TOP1: variants seen among roughly 807,000 people sequenced by gnomAD.
The protein encoded by TOP1 is DNA topoisomerase 1.
A neutral mutation model predicts 111.1 loss-of-function variants in TOP1; 10 were observed. The observed-to-expected ratio is 0.09, with a 90% CI of 0.06 to 0.15. The LOEUF (loss-of-function observed/expected upper bound fraction) is 0.15. Among genes scored for constraint, TOP1 ranks in the 10% least tolerant of loss-of-function variants. The pLI is 1.00. For synonymous variants in TOP1, 271 were observed against 302.9 expected, an observed-to-expected ratio of 0.89 and a Z score of 1.10; for missense variants, 474 against 926.7, an observed-to-expected ratio of 0.51 and a Z score of 6.34.
rs2033993775 is a variant in TOP1, at chr20:41,097,209, T to C, written c.731-11T>C. 6.2e-7 allele frequency: 1 copy of C among 1,610,768 alleles called. No homozygotes were observed. Among genetic ancestry groups the C allele is most frequent in the African/African-American group, 1.3e-5 (1 of 74,722 alleles). On this transcript the variant is annotated splice_polypyrimidine_tract_variant and intron_variant, in intron 9 of 20. Coordinates refer to ENST00000361337, the MANE Select transcript of TOP1 (RefSeq NM_003286.4). The surrounding 1 kb of genome is among the most constrained non-coding windows in gnomAD (Gnocchi z 4.2). ...CTATACCTCACTTTTTGGAACCACT[T>C]TTTTCTCTAGGTAAAGTCATGAAGC...
At chr20:41,077,667 T>C in intron 5 of TOP1, 30 bp downstream of exon 5, 1 of 1,604,044 alleles carries the variant, frequency 6.2e-7, no homozygotes, top group Non-Finnish European at 8.5e-7. Flanking sequence ...TGGGCTTCCC[T>C]TTCTCTGGGT....
intron 2 of TOP1, among the ~76,000 whole-genome samples, chr20:41,044,105 C>T (rs1471653082): frequency 3.3e-5 from 5 of 151,980 alleles, no homozygotes; most frequent in Non-Finnish European, 5.9e-5. Flanking sequence ...GGAGAAACCC[C>T]ATCTCTACTA....
chr20:41,032,315 T>C lies in TOP1; in HGVS notation c.58+2860T>C, dbSNP rs2033130799. Among the ~76,000 whole-genome samples, 1 of 152,062 alleles carries C rather than the reference T, an allele frequency of 6.6e-6. No individual in the cohort carries two copies. Among genetic ancestry groups the C allele is most frequent in the Non-Finnish European group, 1.5e-5 (1 of 68,026 alleles). ...AGCTCTTTGCATGTAATTTAGAACA[T>C]TCTGACCCATACTCAACTGCTGGGA... is the stretch of plus-strand genomic sequence containing the variant. On this transcript the variant is annotated intron_variant, in intron 2 of 20. Coordinates refer to ENST00000361337, the MANE Select transcript of TOP1 (RefSeq NM_003286.4). The surrounding 1 kb of genome is among the most constrained non-coding windows in gnomAD (Gnocchi z 4.3).
Position 41,029,140 on chromosome 20 carries a change from C to A in TOP1, c.33+40C>A, listed in dbSNP as rs1052925912. ...GACCCTGGCGGCCCCGGACCCCGGC[C>A]TGGCCGTCCCGCGACCCCCGGCGCA... is the stretch of plus-strand genomic sequence containing the variant. On this transcript the variant is annotated intron_variant, in intron 1 of 20. Coordinates refer to ENST00000361337, the MANE Select transcript of TOP1 (RefSeq NM_003286.4). This position sits in a 1 kb window ranked among gnomAD's most constrained non-coding sequence, Gnocchi z 6.1. 2 of 1,426,968 alleles carry A rather than the reference C, an allele frequency of 1.4e-6. No individual in the cohort carries two copies. Among genetic ancestry groups the A allele is most frequent in the Non-Finnish European group, 1.8e-6 (2 of 1,087,794 alleles). The allele number at this position is 1,426,968 out of a possible 1,614,324, so 88.4% of individuals were successfully genotyped here.
chr20:41,096,624 A>G (rs2033986667), intron 9 of TOP1, among the ~76,000 whole-genome samples: 1 of 152,144 alleles, frequency 6.6e-6, no homozygotes, highest in South Asian at 2.1e-4. Flanking sequence ...TGGTCTGTGA[A>G]CCACTTGTTG....
At position 41,071,676 on chromosome 20, in the gene TOP1, A is replaced by G. The variant is rs559624544; in HGVS notation, c.156-4495A>G. Among the ~76,000 whole-genome samples the G allele has an allele frequency of 1.3e-5, 2 of 152,314 alleles. No individual in the cohort carries two copies. The highest frequency in any genetic ancestry group is 4.8e-5 in the African/African-American group (2 of 41,578). On this transcript the variant is annotated intron_variant, in intron 3 of 20. Transcript: ENST00000361337. This position sits in a 1 kb window ranked among gnomAD's most constrained non-coding sequence, Gnocchi z 4.3. ...TTTTTTCTTTAGTGGAATTCAGCCA[A>G]TTGAAGCATAACACATGGCATGAAC...
rs2033547453 is a variant in TOP1 at position 41,061,723 on chromosome 20, C to T, written c.155+233C>T. Among the ~76,000 whole-genome samples the T allele has an allele frequency of 6.6e-6, 1 of 152,128 alleles. No homozygotes were observed. Among genetic ancestry groups the T allele is most frequent in the Non-Finnish European group, 1.5e-5 (1 of 68,030 alleles). On this transcript the variant is annotated intron_variant, in intron 3 of 20. Transcript: ENST00000361337. This position sits in a 1 kb window ranked among gnomAD's most constrained non-coding sequence, Gnocchi z 4.6. ...ATGTTTAATTTTCTTTTAATATATA[C>T]CTCATTAAAAATACAGTTGTTCACT...
Position 41,097,238 on chromosome 20 carries a change from G to A in TOP1, c.749G>A (p.Ser250Asn), listed in dbSNP as rs961016028. The A allele has an allele frequency of 5.0e-6, 8 of 1,613,822 alleles. No homozygotes were observed. The highest frequency in any genetic ancestry group is 2.7e-5 in the African/African-American group (2 of 74,874). ...TCTCTAGGTAAAGTCATGAAGCTGA[G>A]CCCCAAAGCAGAGGAAGTAGCTACG... ...FYYDGKVMKL[S>N]PKAEEVATFF... is the part of the protein sequence containing the mutation. The change falls in exon 10 of 21, where the codon AGC becomes AAC. Residue 250 changes from serine (S) to asparagine (N), a missense_variant. Transcript: ENST00000361337. The surrounding 1 kb of genome is among the most constrained non-coding windows in gnomAD (Gnocchi z 4.2).
rs1277215336 is a variant in TOP1, at chr20:41,061,053, A to T, written c.59-341A>T. ...AGAAGTTATAACATCTGATCTTTAG[A>T]GTCAGTGTTCAATACTATCCCTTTG... On this transcript the variant is annotated intron_variant, in intron 2 of 20. Transcript: ENST00000361337. This position sits in a 1 kb window ranked among gnomAD's most constrained non-coding sequence, Gnocchi z 4.6. Among the ~76,000 whole-genome samples, 2 of 152,182 alleles carry T rather than the reference A, an allele frequency of 1.3e-5. No individual in the cohort carries two copies. Among genetic ancestry groups the T allele is most frequent in the African/African-American group, 4.8e-5 (2 of 41,438 alleles).
Position 41,080,175 on chromosome 20 carries a change from G to C in TOP1, c.426G>C (p.Glu142Asp). 6.4e-7 allele frequency: 1 copy of C among 1,574,434 alleles called. No individual in the cohort carries two copies. Among genetic ancestry groups the C allele is most frequent in the Non-Finnish European group, 8.7e-7 (1 of 1,153,704 alleles). Reference sequence around the variant, plus strand: ...AGCCATTAAAGAGACCTCGAGATGAGGATGAGTGAGTATTTTCTTAAAACT... The same window carrying C: ...AGCCATTAAAGAGACCTCGAGATGACGATGAGTGAGTATTTTCTTAAAACT... ...DIKPLKRPRD[E>D]DDADYKPKKI... The change falls in exon 6 of 21, where the codon GAG becomes GAC. Residue 142 changes from glutamate to aspartate, a missense_variant. Coordinates refer to ENST00000361337, the MANE Select transcript of TOP1 (RefSeq NM_003286.4). The surrounding 1 kb of genome is among the most constrained non-coding windows in gnomAD (Gnocchi z 5.0).
Position 41,102,394 on chromosome 20 carries a change from G to A in TOP1, c.1308+1041G>A, listed in dbSNP as rs1454052550. On this transcript the variant is annotated intron_variant, in intron 13 of 20. Transcript: ENST00000361337. This position sits in a 1 kb window ranked among gnomAD's most constrained non-coding sequence, Gnocchi z 4.0. The stretch of plus-strand genomic sequence containing the variant: ...GGAGGCCGAGATGGGCGGATCACCT[G>A]AGGTCAGGAGTTCGAGACCAGCCTG... 1.3e-5 allele frequency among the ~76,000 whole-genome samples: 2 copies of A among 152,198 alleles called. No homozygotes were observed. Among genetic ancestry groups the A allele is most frequent in the Non-Finnish European group, 2.9e-5 (2 of 68,036 alleles).
At chr20:41,073,967 T>C (rs1382293182) in intron 3 of TOP1, among the ~76,000 whole-genome samples, 1 of 152,120 alleles carries the variant, frequency 6.6e-6, no homozygotes, top group East Asian at 1.9e-4. Flanking sequence ...CCTCTTACAG[T>C]TGATGCTTAA....
Position 41,094,620 on chromosome 20 carries a change from T to G in TOP1, c.730+2033T>G, listed in dbSNP as rs1355754399. ...GCTCCAGCATTTTCTCAGCTGGTCC[T>G]CTGCTGGGATTTCTTCTCTTTGATT... On this transcript the variant is annotated intron_variant, in intron 9 of 20. Coordinates refer to ENST00000361337, the MANE Select transcript of TOP1 (RefSeq NM_003286.4). The surrounding 1 kb of genome is among the most constrained non-coding windows in gnomAD (Gnocchi z 4.4). Among the ~76,000 whole-genome samples the G allele has an allele frequency of 6.6e-6, 1 of 152,234 alleles. No individual in the cohort carries two copies.
intron 2 of TOP1, among the ~76,000 whole-genome samples, chr20:41,049,901 A>G (rs1041168888): frequency 6.6e-6 from 1 of 152,218 alleles, no homozygotes; most frequent in Non-Finnish European, 1.5e-5. Context: ...CATAGTTTCA[A>G]TGATGAACAG....
At chr20:41,091,995 A>T (rs2033926523) in intron 8 of TOP1, among the ~76,000 whole-genome samples, 1 of 152,176 alleles carries the variant, frequency 6.6e-6, no homozygotes, top group South Asian at 2.1e-4. Context: ...TAAACTCAAC[A>T]TGCCCCAGTT....
intron 8 of TOP1, among the ~76,000 whole-genome samples, chr20:41,089,754 A>G (rs758902831): frequency 1.3e-5 from 2 of 152,154 alleles, no homozygotes; most frequent in African/African-American, 2.4e-5. Context: ...TTACGTTCCT[A>G]CCAGGACCAC....
In TOP1 at chr20:41,032,399, A is replaced by C. The variant is rs973263314; in HGVS notation, c.58+2944A>C. On this transcript the variant is annotated intron_variant, in intron 2 of 20. Coordinates refer to ENST00000361337, the MANE Select transcript of TOP1 (RefSeq NM_003286.4). This position sits in a 1 kb window ranked among gnomAD's most constrained non-coding sequence, Gnocchi z 4.3. ...GAGTTAGGAATTTGGAGCAGAAACC[A>C]TATCTAAGTCTAAGTGAAAAGACTT... Among the ~76,000 whole-genome samples, 1 of 152,238 alleles carries C rather than the reference A, an allele frequency of 6.6e-6. No homozygotes were observed. The highest frequency in any genetic ancestry group is 2.1e-4 in the South Asian group (1 of 4,838).
intron 2 of TOP1, among the ~76,000 whole-genome samples, chr20:41,039,813 A>G (rs918947684): frequency 1.3e-5 from 2 of 152,162 alleles, no homozygotes; most frequent in African/African-American, 4.8e-5. Context: ...AGGCTGAGGC[A>G]GGAGAATGGC....
At chr20:41,052,698 G>GA (rs911794861) in intron 2 of TOP1, among the ~76,000 whole-genome samples, 1 of 150,648 alleles carries the variant, frequency 6.6e-6, no homozygotes, top group Non-Finnish European at 1.5e-5. Flanking sequence ...TTTTTTAAAA[G>GA]AAAAAAAAAG....
Sources: gnomAD v4.1 joint callset for allele counts (sites outside exome capture counted in the v4.1 genomes callset) on GRCh38, gnomAD v4.1.1 for gene constraint, Gnocchi (gnomAD v3.1) non-coding constraint, MANE v1.5 for transcripts, NCBI Gene and HGNC (gene_info 2026-07-23, HGNC 2026-07-21) for gene names.